The following CD3G variants were observed in gnomAD, a reference collection of about 807,000 sequenced individuals.
CD3G encodes CD3 gamma subunit of T-cell receptor complex, also known as T-cell surface glycoprotein CD3 gamma chain.
In CD3G, 24 loss-of-function variants were observed where a neutral mutation model predicts 28.3. That is an observed-to-expected ratio of 0.85 (90% CI 0.61 to 1.19). The LOEUF is 1.19. CD3G is among the 50% of genes most tolerant of loss of function. The pLI, the probability that CD3G is intolerant of heterozygous loss-of-function variation, is 0.00. For synonymous variants in CD3G, 71 were observed against 75.9 expected, an observed-to-expected ratio of 0.93 and a Z score of 0.34; for missense variants, 211 against 210.0, an observed-to-expected ratio of 1.00 and a Z score of -0.03.
chr11:118,349,180 T>C, intron 2 of CD3G, 130 bp downstream of exon 2: 1 of 1,604,234 alleles, frequency 6.2e-7, no homozygotes, highest in Non-Finnish European at 8.5e-7. Flanking sequence ...AGGTGATGTC[T>C]CTATTGTCAA....
At chr11:118,348,713 A>G (rs1012268920) in intron 1 of CD3G, among the ~76,000 whole-genome samples, 24 of 152,188 alleles carry the variant, frequency 1.6e-4, no homozygotes, top group Non-Finnish European at 8.8e-5. Flanking sequence ...ATCCTGAGTC[A>G]TTGCCATGCA....
At position 118,349,795 on chromosome 11, in the gene CD3G, G is replaced by C. The variant is rs1377563625; in HGVS notation, c.132G>C (p.Leu44=). ...ATCAAGAAGATGGTTCGGTACTTCT[G>C]ACTTGTGATGCAGAAGCCAAAAATA... ...YDYQEDGSVL[L]TCDAEAKNIT... The change falls in exon 3 of 7, where the codon CTG becomes CTC. Residue 44 remains leucine, a synonymous_variant. Transcript: ENST00000532917. 3 of 1,613,996 alleles carry C rather than the reference G, an allele frequency of 1.9e-6. No individual in the cohort carries two copies. Among genetic ancestry groups the C allele is most frequent in the Non-Finnish European group, 1.7e-6 (2 of 1,180,018 alleles).
At position 118,352,388 on chromosome 11, in the gene CD3G, G is replaced by A; in HGVS notation, c.484-16G>A. On this transcript the variant is annotated splice_polypyrimidine_tract_variant and intron_variant, in intron 5 of 6. Coordinates refer to ENST00000532917, the MANE Select transcript of CD3G (RefSeq NM_000073.3). ...AGGATGGAAAAAATGACTTATGACT[G>A]TGCTGTCCTTTCCAGCCCCTCAAGG... 2 of 1,609,466 alleles carry A rather than the reference G, an allele frequency of 1.2e-6. No individual in the cohort carries two copies. The highest frequency in any genetic ancestry group is 2.2e-5 in the East Asian group (1 of 44,868).
At chr11:118,351,937 A>G (rs1423875857) in intron 5 of CD3G, among the ~76,000 whole-genome samples, 1 of 152,016 alleles carries the variant, frequency 6.6e-6, no homozygotes, top group Non-Finnish European at 1.5e-5. Flanking sequence ...CACTATAGAC[A>G]GGCCATGGCT....
intron 1 of CD3G, among the ~76,000 whole-genome samples, chr11:118,348,289 A>T (rs756085740): frequency 6.6e-6 from 1 of 152,174 alleles, no homozygotes; most frequent in Non-Finnish European, 1.5e-5. Context: ...ACTGCCTGCA[A>T]TCTTAAGGAT....
intron 2 of CD3G, 178 bp downstream of exon 2, chr11:118,349,228 T>C: frequency 6.5e-7 from 1 of 1,545,350 alleles, no homozygotes; most frequent in Non-Finnish European, 8.7e-7. Flanking sequence ...TCCGGGCAGC[T>C]TGCCTGTAGC....
chr11:118,351,590 A>C, intron 4 of CD3G, 38 bp from the exon 5 acceptor site: 1 of 1,610,382 alleles, frequency 6.2e-7, no homozygotes, highest in Non-Finnish European at 8.5e-7. Flanking sequence ...TTTATTATGC[A>C]TTCTACCTTG....
At chr11:118,348,312 C>T (rs567757660) in intron 1 of CD3G, among the ~76,000 whole-genome samples, 7 of 152,240 alleles carry the variant, frequency 4.6e-5, no homozygotes, top group African/African-American at 1.7e-4. Context: ...CCATGACCCT[C>T]CTCATTGATA....
At chr11:118,350,810 G>GT in intron 4 of CD3G, 127 bp downstream of exon 4, 1 of 1,498,886 alleles carries the variant, frequency 6.7e-7, no homozygotes. Flanking sequence ...GGGTGAGGCT[G>GT]TATTTCTCTG....
At chr11:118,350,731 G>A (rs1221437524) in intron 4 of CD3G, 48 bp downstream of exon 4, 1 of 1,612,738 alleles carries the variant, frequency 6.2e-7, no homozygotes, top group Non-Finnish European at 8.5e-7. Context: ...GAGACCCTCA[G>A]CTTTCCTCCT....
intron 1 of CD3G, among the ~76,000 whole-genome samples, 161 bp from the exon 2 acceptor site, chr11:118,348,866 G>A (rs550413111): frequency 4.6e-5 from 7 of 152,322 alleles, no homozygotes; most frequent in South Asian, 4.1e-4. Context: ...GAATTCAATT[G>A]AGTGATTTAG....
chr11:118,344,591 CT>C, intron 1 of CD3G, 113 bp downstream of exon 1: 2 of 937,614 alleles, frequency 2.1e-6, no homozygotes, highest in Non-Finnish European at 3.4e-6. Flanking sequence ...CTGCTGTCAC[CT>C]TAGAGTTCAA....
rs145666386 is a variant in CD3G, at chr11:118,353,975, T to G, written c.*875T>G. 1 of 152,366 alleles carries G rather than the reference T, an allele frequency of 6.6e-6. No homozygotes were observed. The highest frequency in any genetic ancestry group is 1.5e-5 in the Non-Finnish European group (1 of 68,028). The allele number at this position is 152,366 out of a possible 1,614,324, so 9.4% of individuals were successfully genotyped here. A position where few individuals can be genotyped will look rare whatever the true frequency, so the allele number is the denominator to read the frequency against. ...CTTGTGAGATTATTGCATACCATTATATGAAGATACCATTATATCCTTTTT... is the reference window on the plus strand; with the variant it reads ...CTTGTGAGATTATTGCATACCATTAGATGAAGATACCATTATATCCTTTTT... On this transcript the variant is annotated 3_prime_UTR_variant, in exon 7 of 7. Coordinates refer to ENST00000532917, the MANE Select transcript of CD3G (RefSeq NM_000073.3).
intron 1 of CD3G, among the ~76,000 whole-genome samples, chr11:118,347,266 C>T (rs932820061): frequency 2.6e-5 from 4 of 152,206 alleles, no homozygotes; most frequent in East Asian, 1.9e-4. Context: ...TTCTTGCTTA[C>T]TCTTCAAGGC....
At chr11:118,349,539 C>A (rs548201591) in intron 2 of CD3G, 19 of 629,210 alleles carry the variant, frequency 3.0e-5, no homozygotes, top group Non-Finnish European at 5.0e-5. Flanking sequence ...CAGATATTGG[C>A]GTCACCCGAG....
chr11:118,344,910 A>G (rs1033052596), intron 1 of CD3G, among the ~76,000 whole-genome samples: 1 of 152,252 alleles, frequency 6.6e-6, no homozygotes, highest in Admixed American at 6.5e-5. Context: ...AATATGTGAT[A>G]TGCCATGAGG....
In CD3G at chr11:118,344,409, A is replaced by G; in HGVS notation, c.-15A>G. The G allele has an allele frequency of 6.4e-7, 1 of 1,563,374 alleles. No individual in the cohort carries two copies. The highest frequency in any genetic ancestry group is 1.2e-5 in the South Asian group (1 of 84,760). On this transcript the variant is annotated 5_prime_UTR_variant, in exon 1 of 7. Transcript: ENST00000532917. ...AAGGGCTGCTCCACGCTTTTGCCGG[A>G]GGACAGAGACTGACATGGAACAGGG...
At chr11:118,345,544 CT>C (rs1445191905) in intron 1 of CD3G, among the ~76,000 whole-genome samples, 1 of 152,024 alleles carries the variant, frequency 6.6e-6, no homozygotes, top group Non-Finnish European at 1.5e-5. Context: ...GGAGAAAAGA[CT>C]GGGTGGTAGG....
chr11:118,354,217 T>C lies in CD3G; in HGVS notation c.*1117T>C, dbSNP rs2134074143. ...AAGTGATTTCACCTGTTCTCAGAAA[T>C]TTTTAGTAAATTTAACTAATTGTAC... On this transcript the variant is annotated 3_prime_UTR_variant, in exon 7 of 7. Coordinates refer to ENST00000532917, the MANE Select transcript of CD3G (RefSeq NM_000073.3). The C allele has an allele frequency of 6.6e-6, 1 of 152,304 alleles. No homozygotes were observed. Among genetic ancestry groups the C allele is most frequent in the Non-Finnish European group, 1.5e-5 (1 of 68,022 alleles). The allele number at this position is 152,304 out of a possible 1,614,324, so 9.4% of individuals were successfully genotyped here.
Sources: allele counts gnomAD v4.1 joint callset (sites outside exome capture counted in the v4.1 genomes callset), GRCh38; gene constraint gnomAD v4.1.1; transcripts MANE v1.5; gene names NCBI Gene and HGNC (gene_info 2026-07-23, HGNC 2026-07-21).